The following SIAE variants were observed in gnomAD, a reference collection of about 807,000 sequenced individuals.
SIAE encodes sialic acid acetylesterase.
Under a neutral mutation model 52.6 loss-of-function variants are expected in SIAE, and 39 were observed. The observed-to-expected ratio is 0.74, with a 90% CI of 0.57 to 0.97. The LOEUF (loss-of-function observed/expected upper bound fraction) is 0.97, where lower values mean the gene tolerates loss of function less well. Among genes scored for constraint, SIAE ranks in the 50% least tolerant of loss-of-function variants. SIAE has a pLI of 0.00. For synonymous variants in SIAE, 233 were observed against 241.4 expected (o/e 0.97, Z 0.32); for missense variants, 592 against 662.1 (o/e 0.89, Z 1.16).
Position 124,660,873 on chromosome 11 carries a change from A to G in SIAE, c.230-70T>C. On this transcript the variant is annotated intron_variant, in intron 2 of 9. Transcript: ENST00000263593. ...GTGAAATCAAAGCCCAATTATACTC[A>G]TTTGTGGCTATTCCCAGCCTCTGTA... 1.9e-6 allele frequency: 3 copies of G among 1,544,318 alleles called. No individual in the cohort carries two copies. In the South Asian group the frequency reaches 3.4e-5, roughly 17 times the overall value.
At chr11:124,665,626 G>C (rs886471339) in intron 2 of SIAE, among the ~76,000 whole-genome samples, 1 of 152,136 alleles carries the variant, frequency 6.6e-6, no homozygotes, top group Non-Finnish European at 1.5e-5. Flanking sequence ...AAGCACCTAA[G>C]TTTGTGGCAA....
chr11:124,647,951 T>G, intron 6 of SIAE, 115 bp downstream of exon 6: 1 of 851,454 alleles, frequency 1.2e-6, no homozygotes, highest in Non-Finnish European at 2.0e-6. Context: ...CACAGAACAG[T>G]GAGCTGAATA....
intron 7 of SIAE, among the ~76,000 whole-genome samples, chr11:124,644,395 G>A (rs887884439): frequency 2.0e-5 from 3 of 150,376 alleles, no homozygotes; most frequent in Non-Finnish European, 2.9e-5. Flanking sequence ...GCTCAACAGG[G>A]AGCAATGCTA....
At chr11:124,654,385 C>T in intron 4 of SIAE, 1 of 985,376 alleles carries the variant, frequency 1.0e-6, no homozygotes. Flanking sequence ...GCGAGAGATG[C>T]TGGCGGAGCC....
Position 124,636,828 on chromosome 11 carries a change from G to A in SIAE, c.*123C>T. On this transcript the variant is annotated 3_prime_UTR_variant, in exon 10 of 10. Coordinates refer to ENST00000263593, the MANE Select transcript of SIAE (RefSeq NM_170601.5). ...ATATAGAAACAGCCATGTGCTAGCT[G>A]AAAGCCATTCAATGAGGCTTTCTAT... is the stretch of plus-strand genomic sequence containing the variant. 2 of 1,387,206 alleles carry A rather than the reference G, an allele frequency of 1.4e-6. No individual in the cohort carries two copies. Among genetic ancestry groups the A allele is most frequent in the Non-Finnish European group, 2.0e-6 (2 of 979,296 alleles). 85.9% of individuals were successfully genotyped at this position (1,387,206 alleles called of 1,614,324 possible). A position where few individuals can be genotyped will look rare whatever the true frequency, so the allele number is the denominator to read the frequency against.
chr11:124,654,395 C>T lies in SIAE; in HGVS notation c.544+260G>A, dbSNP rs139294006. On this transcript the variant is annotated intron_variant, in intron 4 of 9. Transcript: ENST00000263593. ...CATCGGCGAGAGATGCTGGCGGAGC[C>T]CATGCCGAAGGGCCTTGATATTTTC... is the stretch of plus-strand genomic sequence containing the variant. 2.9e-3 allele frequency: 2,830 copies of T among 985,286 alleles called. 9 individuals carry two copies. The highest frequency in any genetic ancestry group is 3.3e-3 in the Non-Finnish European group (2,722 of 829,906). 61.0% of individuals were successfully genotyped at this position (985,286 alleles called of 1,614,324 possible).
intron 3 of SIAE, chr11:124,658,778 G>A (rs971326910): frequency 2.0e-5 from 3 of 152,016 alleles, no homozygotes; most frequent in African/African-American, 4.8e-5. Flanking sequence ...GAGGGAAGGA[G>A]AAAGACTCGT....
intron 5 of SIAE, among the ~76,000 whole-genome samples, chr11:124,648,414 C>A (rs1942971618): frequency 6.6e-6 from 1 of 151,998 alleles, no homozygotes; most frequent in Admixed American, 6.6e-5. Flanking sequence ...AAGGTAATTT[C>A]TAAGGTAATT....
chr11:124,660,377 C>T, intron 3 of SIAE: 1 of 480,950 alleles, frequency 2.1e-6, no homozygotes, highest in Non-Finnish European at 3.9e-6. Flanking sequence ...GAAAACAATA[C>T]TCCTTCTAAG....
In SIAE at chr11:124,644,351, G is replaced by GA. The variant is rs766691334; in HGVS notation, c.966+3013dup. On this transcript the variant is annotated intron_variant, in intron 7 of 9. Transcript: ENST00000263593. ...AACGCCACAGGAAAGAGTCTGTGGT[G>GA]AGAAAAAAAAAAAAAAAAAAAAACT... Among the ~76,000 whole-genome samples the GA allele has an allele frequency of 7.3e-3, 724 of 98,924 alleles. 41 individuals carry two copies. The highest frequency in any genetic ancestry group is 0.027 in the African/African-American group (674 of 25,112). The allele number at this position is 98,924 out of a possible 152,430, so 64.9% of individuals were successfully genotyped here.
intron 3 of SIAE, among the ~76,000 whole-genome samples, chr11:124,655,952 G>C (rs951501307): frequency 2.0e-5 from 3 of 151,986 alleles, no homozygotes; most frequent in Non-Finnish European, 4.4e-5. Context: ...ATGTCAACAA[G>C]TGGAAAATTC....
intron 3 of SIAE, among the ~76,000 whole-genome samples, chr11:124,658,382 T>C (rs1167295936): frequency 6.6e-6 from 1 of 151,820 alleles, no homozygotes; most frequent in Non-Finnish European, 1.5e-5. Context: ...AAAGCCAGCC[T>C]CATAAGTCCT....
At chr11:124,672,836 C>T (rs979890917) in intron 1 of SIAE, among the ~76,000 whole-genome samples, 1 of 152,168 alleles carries the variant, frequency 6.6e-6, no homozygotes, top group African/African-American at 2.4e-5. Context: ...TGTTCTCCTA[C>T]CCCAACTATC....
At chr11:124,658,867 C>T (rs1298154763) in intron 3 of SIAE, 1 of 152,028 alleles carries the variant, frequency 6.6e-6, no homozygotes, top group Non-Finnish European at 1.5e-5. Context: ...AAGGAATAAA[C>T]AGAAAGCCAT....
rs1198394457 is a variant in SIAE at position 124,654,653 on chromosome 11, A to AG, written c.544+1_544+2insC. 2 of 1,614,026 alleles carry AG rather than the reference A, an allele frequency of 1.2e-6. No homozygotes were observed. Among genetic ancestry groups the AG allele is most frequent in the Non-Finnish European group, 1.7e-6 (2 of 1,180,006 alleles). On this transcript the variant is annotated splice_donor_variant, in intron 4 of 9. Transcript: ENST00000263593. LOFTEE classifies it high-confidence loss of function. ...AGACAGCACGTTCAAGCCGTCACAT[A>AG]CCTGAGGTGGGCTTAGACCACTGCA...
chr11:124,656,794 G>C (rs1943107821), intron 3 of SIAE, among the ~76,000 whole-genome samples: 1 of 152,122 alleles, frequency 6.6e-6, no homozygotes, highest in African/African-American at 2.4e-5. Context: ...GGGAGCATCA[G>C]GAAGCCCAGT....
chr11:124,660,458 G>A (rs986298465), intron 3 of SIAE, 170 bp downstream of exon 3: 7 of 717,824 alleles, frequency 9.8e-6, no homozygotes, highest in Non-Finnish European at 1.5e-5. Context: ...TATCTCTTAA[G>A]ATTGTTAAGT....
At chr11:124,672,156 G>A (rs1028557391) in intron 1 of SIAE, among the ~76,000 whole-genome samples, 3 of 152,016 alleles carry the variant, frequency 2.0e-5, no homozygotes, top group South Asian at 2.1e-4. Context: ...TAAGTGATCC[G>A]CCCACCTCAG....
rs1211591338 is a variant in SIAE at position 124,669,499 on chromosome 11, T to G, written c.90A>C (p.Ser30=). The G allele has an allele frequency of 3.7e-6, 6 of 1,613,942 alleles. No individual in the cohort carries two copies. The African/African-American group carries it at 8.0e-5, about 22-fold the overall frequency. Residue 30 remains serine (S), a synonymous_variant, in exon 2 of 10, where the codon TCA becomes TCC. Coordinates refer to ENST00000263593, the MANE Select transcript of SIAE (RefSeq NM_170601.5). The part of the protein sequence containing the change: ...RSAGIGFRFA[S]YINNDMVLQK... ...GCAGCACCATATCATTATTGATGTATGAAGCAAAGCGAAAACCAATACCTA... is the reference window on the plus strand; with the variant it reads ...GCAGCACCATATCATTATTGATGTAGGAAGCAAAGCGAAAACCAATACCTA...
Sources: gnomAD v4.1 joint callset for allele counts (sites outside exome capture counted in the v4.1 genomes callset) on GRCh38, gnomAD v4.1.1 for gene constraint, MANE v1.5 for transcripts, NCBI Gene and HGNC (gene_info 2026-07-23, HGNC 2026-07-21) for gene names.